Variants in EIF4G3 observed in about 807,000 individuals in gnomAD.
EIF4G3 encodes the protein eIF-4-gamma 3.
EIF4G3 carries 34 observed loss-of-function variants against 186.4 expected under a neutral mutation model. That is an observed-to-expected ratio of 0.18 (90% confidence interval 0.14 to 0.24). EIF4G3 has a LOEUF of 0.24. EIF4G3 is among the 10% of genes least tolerant of loss of function. The pLI is 1.00. For synonymous variants in EIF4G3, 673 were observed against 679.5 expected (o/e 0.99, Z 0.15); for missense variants, 1,536 against 1,948.5 (o/e 0.79, Z 3.99).
chr1:21,015,322 A>G (rs1208335277), intron 4 of EIF4G3, among the ~76,000 whole-genome samples: 3 of 152,152 alleles, frequency 2.0e-5, no homozygotes, highest in African/African-American at 7.2e-5. Flanking sequence ...TTACAGAAGA[A>G]GAGAGAGGAA....
At chr1:20,976,325 CT>C (rs1243376114) in intron 10 of EIF4G3, among the ~76,000 whole-genome samples, 1 of 150,058 alleles carries the variant, frequency 6.7e-6, no homozygotes, top group Non-Finnish European at 1.5e-5. Flanking sequence ...ATCCCTCCCC[CT>C]TCCCCCCACC....
chr1:20,896,552 A>G (rs2088189796), intron 16 of EIF4G3, among the ~76,000 whole-genome samples: 1 of 152,170 alleles, frequency 6.6e-6, no homozygotes, highest in South Asian at 2.1e-4. Context: ...TAAAAAATTA[A>G]AAAGCTTATC....
At chr1:20,883,259 A>G (rs982035017) in intron 19 of EIF4G3, among the ~76,000 whole-genome samples, 18 of 152,112 alleles carry the variant, frequency 1.2e-4, no homozygotes, top group African/African-American at 4.3e-4. Flanking sequence ...TTGATTAGAG[A>G]CCAGAAAGGG....
chr1:20,971,129 G>A (rs1481177816), intron 11 of EIF4G3, among the ~76,000 whole-genome samples: 2 of 152,202 alleles, frequency 1.3e-5, no homozygotes, highest in Non-Finnish European at 2.9e-5. Flanking sequence ...GTGCTGTAAA[G>A]GAGGTAAGTG....
intron 2 of EIF4G3, among the ~76,000 whole-genome samples, chr1:21,089,792 G>A (rs1417451074): frequency 6.7e-6 from 1 of 149,980 alleles, no homozygotes; most frequent in Non-Finnish European, 1.5e-5. Context: ...GACAGGAACT[G>A]CCAGAAATTT....
intron 14 of EIF4G3, among the ~76,000 whole-genome samples, chr1:20,931,198 TTA>T (rs1231123141): frequency 1.3e-5 from 2 of 152,164 alleles, no homozygotes; most frequent in East Asian, 3.9e-4. Flanking sequence ...CAGGAGGTTT[TTA>T]GTTTGCCCAG....
chr1:21,142,937 C>T (rs931666512), intron 2 of EIF4G3, among the ~76,000 whole-genome samples: 2 of 151,968 alleles, frequency 1.3e-5, no homozygotes, highest in Admixed American at 6.6e-5. Context: ...AAAACTGTTA[C>T]TAAAGAAATT....
At chr1:20,948,610 T>A (rs2096069936) in intron 13 of EIF4G3, among the ~76,000 whole-genome samples, 1 of 152,174 alleles carries the variant, frequency 6.6e-6, no homozygotes, top group Non-Finnish European at 1.5e-5. Context: ...TAGAAGTACA[T>A]CTTTCAGAAA....
intron 4 of EIF4G3, among the ~76,000 whole-genome samples, chr1:21,049,757 G>A (rs1445016570): frequency 6.6e-6 from 1 of 152,106 alleles, no homozygotes; most frequent in Non-Finnish European, 1.5e-5. Context: ...CGGGCATGGT[G>A]GCATGAGCCT....
chr1:20,813,354 A>T, intron 34 of EIF4G3, 115 bp from the exon 35 acceptor site: 4 of 438,012 alleles, frequency 9.1e-6, no homozygotes, highest in Admixed American at 3.1e-5. Flanking sequence ...ACTTGAGGCT[A>T]GGAGTTGAGA....
intron 2 of EIF4G3, among the ~76,000 whole-genome samples, chr1:21,146,684 G>C (rs1355621378): frequency 6.6e-6 from 1 of 152,146 alleles, no homozygotes; most frequent in Non-Finnish European, 1.5e-5. Context: ...TTGAACCCAG[G>C]AGGTGGAGGT....
chr1:21,155,863 A>C (rs1199418603), intron 2 of EIF4G3, among the ~76,000 whole-genome samples: 1 of 152,216 alleles, frequency 6.6e-6, no homozygotes, highest in Non-Finnish European at 1.5e-5. Context: ...GCAGTGGCTC[A>C]GGCCTGTAAT....
chr1:20,853,691 G>C lies in EIF4G3; in HGVS notation c.3434-14C>G, dbSNP rs1456631663. On this transcript the variant is annotated splice_polypyrimidine_tract_variant and intron_variant, in intron 26 of 36. Transcript: ENST00000602326. ...ACCGTAAGGCATCTACACATGTCGA[G>C]GATTTAGAAAAAAATACAAATCACA... is the stretch of plus-strand genomic sequence containing the variant. 6.4e-7 allele frequency: 1 copy of C among 1,574,076 alleles called. No individual in the cohort carries two copies. Among genetic ancestry groups the C allele is most frequent in the South Asian group, 1.1e-5 (1 of 89,902 alleles).
intron 2 of EIF4G3, among the ~76,000 whole-genome samples, chr1:21,126,035 C>T (rs1195282181): frequency 6.6e-6 from 1 of 151,586 alleles, no homozygotes; most frequent in Non-Finnish European, 1.5e-5. Context: ...AAAACCGTGT[C>T]TCTACAACAA....
At chr1:21,041,539 AAAG>A (rs2093580211) in intron 4 of EIF4G3, among the ~76,000 whole-genome samples, 2 of 152,248 alleles carry the variant, frequency 1.3e-5, no homozygotes, top group South Asian at 2.1e-4. Flanking sequence ...CTGAACTATA[AAAG>A]AAGATGGGCA....
intron 2 of EIF4G3, among the ~76,000 whole-genome samples, chr1:21,166,652 A>G (rs7530933): frequency 0.97 from 147,288 of 152,252 alleles, 71,429 homozygotes; most frequent in East Asian, 1. Flanking sequence ...GCTTGAACCT[A>G]GGAGGCAGAA....
chr1:21,155,372 A>T (rs2097640004), intron 2 of EIF4G3, among the ~76,000 whole-genome samples: 1 of 151,966 alleles, frequency 6.6e-6, no homozygotes, highest in Non-Finnish European at 1.5e-5. Flanking sequence ...CTTAAAATTT[A>T]TCAACTAAGG....
chr1:20,816,070 CG>C (rs2060702841), intron 34 of EIF4G3, among the ~76,000 whole-genome samples: 1 of 121,728 alleles, frequency 8.2e-6, no homozygotes, highest in Non-Finnish European at 1.8e-5. Context: ...GCCCCCCGCC[CG>C]GCCAGCCGCC....
chr1:21,068,414 A>G (rs1016663283), intron 3 of EIF4G3, among the ~76,000 whole-genome samples: 1 of 149,876 alleles, frequency 6.7e-6, no homozygotes. Flanking sequence ...AATACTTCAC[A>G]TGAACTTGTA....
Sources: allele counts gnomAD v4.1 joint callset (sites outside exome capture counted in the v4.1 genomes callset), GRCh38; gene constraint gnomAD v4.1.1; transcripts MANE v1.5; gene names NCBI Gene and HGNC (gene_info 2026-07-23, HGNC 2026-07-21).